Variants in LPA observed in about 807,000 individuals in gnomAD.
The protein encoded by LPA is lipoprotein(a).
Under a neutral mutation model 197.9 loss-of-function variants are expected in LPA, and 199 were observed. That is an observed-to-expected ratio of 1.01 (90% confidence interval 0.90 to 1.13). LPA has a LOEUF of 1.13. Among genes scored for constraint, LPA ranks in the 50% most tolerant of loss-of-function variants. The pLI is 0.00. For synonymous variants in LPA, 715 were observed against 639.5 expected (o/e 1.12, Z -1.78); for missense variants, 1,853 against 1,785.8 (o/e 1.04, Z -0.68).
intron 32 of LPA, 55 bp downstream of exon 32, chr6:160,547,734 T>C (rs2115003487): frequency 1.2e-6 from 2 of 1,612,734 alleles, no homozygotes; most frequent in East Asian, 4.5e-5. Flanking sequence ...GCCCCTCTTC[T>C]GTTTGAAAAG....
At chr6:160,583,580 C>A (rs1248167076) in intron 26 of LPA, among the ~76,000 whole-genome samples, 1 of 152,142 alleles carries the variant, frequency 6.6e-6, no homozygotes, top group African/African-American at 2.4e-5. Flanking sequence ...TGTTCCCCAG[C>A]AGTTGTTCTT....
At chr6:160,601,670 C>T (rs1340525946) in intron 18 of LPA, among the ~76,000 whole-genome samples, 5 of 152,338 alleles carry the variant, frequency 3.3e-5, no homozygotes, top group African/African-American at 1.2e-4. Flanking sequence ...AACCATTGCA[C>T]AAAAAGTATT....
chr6:160,611,429 A>T, intron 16 of LPA, 133 bp downstream of exon 16: 1 of 1,503,440 alleles, frequency 6.7e-7, no homozygotes, highest in Non-Finnish European at 9.1e-7. Context: ...CAAGGAAATC[A>T]TCCTGAGACA....
chr6:160,607,626 C>T (rs1562342615), intron 16 of LPA, among the ~76,000 whole-genome samples: 1 of 152,122 alleles, frequency 6.6e-6, no homozygotes, highest in Non-Finnish European at 1.5e-5. Context: ...TCTCTCTATC[C>T]TCACATTCAT....
Position 160,588,664 on chromosome 6 carries a change from C to A in LPA, c.3947+889G>T, listed in dbSNP as rs9457945. Among the ~76,000 whole-genome samples the A allele has an allele frequency of 1.2e-3, 185 of 152,246 alleles. 1 individual carries two copies. Among genetic ancestry groups the A allele is most frequent in the African/African-American group, 4.3e-3 (180 of 41,536 alleles). On this transcript the variant is annotated intron_variant, in intron 24 of 38. Transcript: ENST00000316300. ...TGGAGCTCCTTTCTTCCACAAATCC[C>A]TTCTCATTCTTAGCCAGCCTAGAAC... is the stretch of plus-strand genomic sequence containing the variant.
intron 26 of LPA, among the ~76,000 whole-genome samples, chr6:160,581,585 C>T (rs529888490): frequency 4.1e-4 from 62 of 152,272 alleles, no homozygotes; most frequent in African/African-American, 1.3e-3. Flanking sequence ...TACAGCCAAG[C>T]GTCCCAGCCA....
In LPA at chr6:160,557,370, T is replaced by C. The variant is rs764296652; in HGVS notation, c.4813+20A>G. 3.1e-6 allele frequency: 5 copies of C among 1,613,818 alleles called. No homozygotes were observed. The Admixed American group carries it at 8.3e-5, about 27-fold the overall frequency. On this transcript the variant is annotated intron_variant, in intron 29 of 38. Coordinates refer to ENST00000316300, the MANE Select transcript of LPA (RefSeq NM_005577.4). ...ATCCCAATGTTCAAATGTGTAGATA[T>C]CTGGCCACAGACTTCTTACCTGCTT...
At chr6:160,540,996 A>G (rs1777972435) in intron 35 of LPA, 111 bp downstream of exon 35, 2 of 878,446 alleles carry the variant, frequency 2.3e-6, no homozygotes, top group Non-Finnish European at 1.9e-6. Flanking sequence ...GAAAAGGAAG[A>G]GAGGTGGGGA....
chr6:160,648,171 G>A (rs1311067087), intron 2 of LPA, among the ~76,000 whole-genome samples: 7 of 152,196 alleles, frequency 4.6e-5, no homozygotes, highest in South Asian at 4.2e-4. Context: ...TTGTGTCCAG[G>A]TTGCAGTGTT....
intron 28 of LPA, among the ~76,000 whole-genome samples, chr6:160,562,052 C>G (rs967111109): frequency 1.8e-4 from 28 of 151,438 alleles, no homozygotes; most frequent in Admixed American, 1.5e-3. Flanking sequence ...CACTTGAATA[C>G]CTTTATTTCT....
At chr6:160,564,301 T>G (rs1157975421) in intron 28 of LPA, among the ~76,000 whole-genome samples, 2 of 152,208 alleles carry the variant, frequency 1.3e-5, no homozygotes, top group Non-Finnish European at 2.9e-5. Flanking sequence ...TTGTAAAGGA[T>G]TTTACTTCTC....
intron 30 of LPA, among the ~76,000 whole-genome samples, chr6:160,550,199 G>A (rs1395771857): frequency 1.4e-5 from 2 of 147,146 alleles, no homozygotes; most frequent in Admixed American, 1.4e-4. Context: ...CCTGCCTGGC[G>A]ACAGAGCGAG....
chr6:160,605,127 G>A lies in LPA; in HGVS notation c.2864C>T (p.Thr955Ile). 6.2e-7 allele frequency: 1 copy of A among 1,613,998 alleles called. No individual in the cohort carries two copies. Among genetic ancestry groups the A allele is most frequent in the Non-Finnish European group, 8.5e-7 (1 of 1,179,868 alleles). Reference protein sequence around the residue: ...GQSYQGTYFITVTGRTCQAWS... With the variant: ...GQSYQGTYFIIVTGRTCQAWS... ...AGCTTGGCAGGTTCTTCCTGTGACA[G>A]TAATGAAGTATGTGCCTTGATAACT... is the stretch of plus-strand genomic sequence containing the variant. Residue 955 changes from threonine to isoleucine, a missense_variant, in exon 18 of 39, where the codon ACT (threonine) becomes ATT (isoleucine). Transcript: ENST00000316300.
At chr6:160,535,583 G>A (rs1258076523) in intron 37 of LPA, among the ~76,000 whole-genome samples, 2 of 122,598 alleles carry the variant, frequency 1.6e-5, no homozygotes, top group African/African-American at 5.9e-5. Context: ...TGGTGGTGGT[G>A]ATGGTGATGG....
intron 22 of LPA, among the ~76,000 whole-genome samples, 176 bp downstream of exon 22, chr6:160,593,782 G>T (rs113494184): frequency 3.3e-5 from 5 of 152,258 alleles, no homozygotes; most frequent in African/African-American, 1.2e-4. Flanking sequence ...AAAGAGAGCT[G>T]GCCTGACATT....
At chr6:160,577,108 CCT>C (rs775673941) in intron 28 of LPA, 26 bp downstream of exon 28, 1 of 1,611,510 alleles carries the variant, frequency 6.2e-7, no homozygotes, top group South Asian at 1.1e-5. Context: ...GGCTGTTGCT[CCT>C]CTTATGGTTT....
At chr6:160,662,855 C>G (rs1780249140) in intron 1 of LPA, among the ~76,000 whole-genome samples, 2 of 152,300 alleles carry the variant, frequency 1.3e-5, no homozygotes, top group South Asian at 4.1e-4. Context: ...CAGACTCTCC[C>G]TGCAGGGCAA....
chr6:160,573,491 T>A (rs969546236), intron 28 of LPA, among the ~76,000 whole-genome samples: 1 of 152,146 alleles, frequency 6.6e-6, no homozygotes, highest in East Asian at 1.9e-4. Context: ...ACTGGGAGTG[T>A]GATGAGCCTT....
chr6:160,649,131 C>T (rs181712848), intron 2 of LPA, among the ~76,000 whole-genome samples: 16 of 152,264 alleles, frequency 1.1e-4, no homozygotes, highest in Non-Finnish European at 2.1e-4. Context: ...TTGTGTGGAG[C>T]TGCCTTTATT....
Sources: gnomAD v4.1 joint callset for allele counts (sites outside exome capture counted in the v4.1 genomes callset) on GRCh38, gnomAD v4.1.1 for gene constraint, MANE v1.5 for transcripts, NCBI Gene and HGNC (gene_info 2026-07-23, HGNC 2026-07-21) for gene names.